FOXO1: variants seen among roughly 807,000 people sequenced by gnomAD.
FOXO1 encodes forkhead box protein O1.
FOXO1 carries 6 observed loss-of-function variants against 44.1 expected under a neutral mutation model. The observed-to-expected ratio is 0.14, with a 90% CI of 0.07 to 0.27. The LOEUF is 0.27. Ranked by LOEUF, FOXO1 falls within the 10% of genes least tolerant of loss-of-function variation. The pLI is 1.00. For missense variants in FOXO1, 737 were observed against 888.8 expected (o/e 0.83, Z 2.17); for synonymous variants, 380 against 362.7 (o/e 1.05, Z -0.54).
intron 1 of FOXO1, among the ~76,000 whole-genome samples, chr13:40,642,548 C>G (rs1877386363): frequency 6.6e-6 from 1 of 152,174 alleles, no homozygotes; most frequent in Admixed American, 6.5e-5. Flanking sequence ...CTAACATGAT[C>G]AGCTCAGTCC....
intron 1 of FOXO1, among the ~76,000 whole-genome samples, chr13:40,631,872 A>T (rs1876973607): frequency 6.6e-6 from 1 of 152,242 alleles, no homozygotes; most frequent in African/African-American, 2.4e-5. Context: ...ACAAAATGAA[A>T]GTACTTAATG....
chr13:40,579,569 G>A (rs1259868396), intron 1 of FOXO1, among the ~76,000 whole-genome samples: 16 of 151,540 alleles, frequency 1.1e-4, no homozygotes, highest in Non-Finnish European at 1.5e-5. Context: ...GAAGACAGGA[G>A]AAGAGTGATT....
chr13:40,611,170 G>A, intron 1 of FOXO1: 1 of 401,222 alleles, frequency 2.5e-6, no homozygotes, highest in Non-Finnish European at 5.0e-6. Context: ...TCAGAACAAT[G>A]AGTTTTGTTC....
chr13:40,569,932 A>T (rs1874415342), intron 1 of FOXO1, among the ~76,000 whole-genome samples: 2 of 152,112 alleles, frequency 1.3e-5, no homozygotes, highest in African/African-American at 4.8e-5. Flanking sequence ...TATATCCAGG[A>T]TGGTGATTAT....
intron 1 of FOXO1, among the ~76,000 whole-genome samples, chr13:40,563,989 G>A (rs944726633): frequency 2.0e-5 from 3 of 152,170 alleles, no homozygotes; most frequent in Non-Finnish European, 2.9e-5. Context: ...TAGACACACA[G>A]ATAAGCTCCG....
intron 1 of FOXO1, among the ~76,000 whole-genome samples, chr13:40,587,323 G>A (rs1875205444): frequency 6.7e-6 from 1 of 148,276 alleles, no homozygotes; most frequent in Admixed American, 6.7e-5. Flanking sequence ...ACCACAATAA[G>A]AAGCAAATAC....
Position 40,560,490 on chromosome 13 carries a change from T to G in FOXO1, c.1001A>C (p.Glu334Ala). 6.2e-7 allele frequency: 1 copy of G among 1,614,166 alleles called. No homozygotes were observed. The highest frequency in any genetic ancestry group is 8.5e-7 in the Non-Finnish European group (1 of 1,180,026). The change falls in exon 2 of 3, where the codon GAA (glutamate) becomes GCA (alanine). Residue 334 changes from glutamate (E) to alanine (A), a missense_variant. Physicochemically the swap from Glu to Ala is moderately radical, Grantham distance 107 (BLOSUM62 -1). Transcript: ENST00000379561. This position sits in a 1 kb window ranked among gnomAD's most constrained non-coding sequence, Gnocchi z 5.1. Reference protein sequence around the residue: ...ISGRLSPIMTEQDDLGEGDVH... With the variant: ...ISGRLSPIMTAQDDLGEGDVH... ...ATCCCCTTCTCCAAGATCATCCTGT[T>G]CGGTCATAATGGGTGAGAGTCTCCC...
intron 1 of FOXO1, among the ~76,000 whole-genome samples, chr13:40,609,700 C>A (rs1876156263): frequency 6.6e-6 from 1 of 152,112 alleles, no homozygotes; most frequent in South Asian, 2.1e-4. Flanking sequence ...TAAAGAAATT[C>A]TTCAGGGTGG....
rs79370226 is a variant in FOXO1, at chr13:40,594,279, C to T, written c.631-33419G>A. 1.1e-3 allele frequency among the ~76,000 whole-genome samples: 163 copies of T among 152,150 alleles called. 4 individuals carry two copies. In the East Asian group the frequency reaches 0.019, roughly 18 times the overall value. ...AGTTTAAGGGGGCCAATGGGGGCAG[C>T]GGGAGCCAAGCAAAAGTCAGCCAGG... is the stretch of plus-strand genomic sequence containing the variant. On this transcript the variant is annotated intron_variant, in intron 1 of 2. Coordinates refer to ENST00000379561, the MANE Select transcript of FOXO1 (RefSeq NM_002015.4).
intron 1 of FOXO1, among the ~76,000 whole-genome samples, chr13:40,579,467 G>A (rs1874881054): frequency 6.6e-6 from 1 of 152,198 alleles, no homozygotes; most frequent in African/African-American, 2.4e-5. Context: ...GTTATGACAG[G>A]AGAAGAATGG....
At chr13:40,580,956 C>T (rs1301813379) in intron 1 of FOXO1, among the ~76,000 whole-genome samples, 2 of 152,178 alleles carry the variant, frequency 1.3e-5, no homozygotes, top group African/African-American at 4.8e-5. Flanking sequence ...CACTTAAATA[C>T]CCGGCGCTTC....
At chr13:40,623,032 A>T (rs1876667500) in intron 1 of FOXO1, among the ~76,000 whole-genome samples, 1 of 152,208 alleles carries the variant, frequency 6.6e-6, no homozygotes, top group Non-Finnish European at 1.5e-5. Flanking sequence ...CAGCAGAATC[A>T]ATTCCTTTTA....
intron 1 of FOXO1, among the ~76,000 whole-genome samples, chr13:40,654,777 G>A (rs1877805209): frequency 6.6e-6 from 1 of 151,958 alleles, no homozygotes; most frequent in African/African-American, 2.4e-5. Context: ...TTTAGAGGTG[G>A]TACTGGCCTC....
intron 1 of FOXO1, among the ~76,000 whole-genome samples, chr13:40,599,130 GAA>G (rs5803057): frequency 2.6e-4 from 30 of 114,204 alleles, no homozygotes; most frequent in South Asian, 7.4e-4. Context: ...CTATAAACAA[GAA>G]AAAAAAAAAA....
intron 1 of FOXO1, among the ~76,000 whole-genome samples, chr13:40,649,884 T>C (rs1480720297): frequency 2.6e-5 from 4 of 152,152 alleles, no homozygotes; most frequent in Admixed American, 6.5e-5. Flanking sequence ...AAGAATGCAA[T>C]GGCACAAACT....
intron 1 of FOXO1, among the ~76,000 whole-genome samples, chr13:40,658,107 G>T (rs757043900): frequency 6.6e-6 from 1 of 152,184 alleles, no homozygotes; most frequent in Non-Finnish European, 1.5e-5. Context: ...TCACTCAGAG[G>T]ACAAAAATTC....
chr13:40,652,567 C>G (rs1277401874), intron 1 of FOXO1, among the ~76,000 whole-genome samples: 1 of 152,172 alleles, frequency 6.6e-6, no homozygotes, highest in African/African-American at 2.4e-5. Context: ...TTAAACCTCA[C>G]AGCTCATGAA....
chr13:40,624,792 G>A (rs1380022660), intron 1 of FOXO1, among the ~76,000 whole-genome samples: 1 of 152,220 alleles, frequency 6.6e-6, no homozygotes, highest in East Asian at 1.9e-4. Context: ...TTTTCAAGGA[G>A]AGTATTTCGA....
At chr13:40,613,542 T>C (rs1221674263) in intron 1 of FOXO1, among the ~76,000 whole-genome samples, 2 of 152,178 alleles carry the variant, frequency 1.3e-5, no homozygotes, top group African/African-American at 4.8e-5. Flanking sequence ...ATCTGCAGTT[T>C]GAGTGTTAAT....
Sources: allele counts gnomAD v4.1 joint callset (sites outside exome capture counted in the v4.1 genomes callset), GRCh38; gene constraint gnomAD v4.1.1; non-coding constraint Gnocchi (gnomAD v3.1); transcripts MANE v1.5; gene names NCBI Gene and HGNC (gene_info 2026-07-23, HGNC 2026-07-21).